Variants in BTBD10 observed in about 807,000 individuals in gnomAD.
BTBD10 encodes BTB domain containing 10.
A neutral mutation model predicts 53.2 loss-of-function variants in BTBD10; 21 were observed. The observed-to-expected ratio is 0.39, with a 90% CI of 0.28 to 0.57. The LOEUF (loss-of-function observed/expected upper bound fraction) is 0.57, where lower values mean the gene tolerates loss of function less well. Ranked by LOEUF, BTBD10 falls within the 20% of genes least tolerant of loss-of-function variation. BTBD10 has a pLI of 0.53. For missense variants in BTBD10, 360 were observed against 594.7 expected (o/e 0.61, Z 4.10); for synonymous variants, 149 against 192.7 (o/e 0.77, Z 1.88).
intron 6 of BTBD10, among the ~76,000 whole-genome samples, chr11:13,410,674 T>G (rs7924494): frequency 0.78 from 118,596 of 152,196 alleles, 47,027 homozygotes; most frequent in Middle Eastern, 0.88. Flanking sequence ...AGGCATATAT[T>G]AGGATCAACT....
intron 6 of BTBD10, among the ~76,000 whole-genome samples, chr11:13,406,628 TGTGTG>T (rs1949837691): frequency 6.6e-6 from 1 of 151,472 alleles, no homozygotes; most frequent in Non-Finnish European, 1.5e-5. Flanking sequence ...TGTGTGTGTG[TGTGTG>T]TGTGTGTTTG....
chr11:13,398,530 T>C (rs113466338), intron 8 of BTBD10, among the ~76,000 whole-genome samples: 70,105 of 151,956 alleles, frequency 0.46, 17,140 homozygotes, highest in South Asian at 0.62. Context: ...TTAGAGCATT[T>C]AGCCCATTTA....
Position 13,398,680 on chromosome 11 carries a change from C to A in BTBD10, c.1117+4488G>T, listed in dbSNP as rs556460631. Among the ~76,000 whole-genome samples the A allele has an allele frequency of 1.6e-4, 25 of 152,334 alleles. 1 individual carries two copies. In the South Asian group the frequency reaches 4.8e-3, roughly 29 times the overall value. The stretch of plus-strand genomic sequence containing the variant: ...TGGCATGTTTTTGCAGTGGCTGGTA[C>A]TGGTTGTTCCTTCCCATATTTAGTG... On this transcript the variant is annotated intron_variant, in intron 8 of 8. Coordinates refer to ENST00000278174, the MANE Select transcript of BTBD10 (RefSeq NM_032320.7).
chr11:13,394,268 C>T (rs775226836), intron 8 of BTBD10, among the ~76,000 whole-genome samples: 1 of 152,116 alleles, frequency 6.6e-6, no homozygotes, highest in Non-Finnish European at 1.5e-5. Context: ...AGGAGAGGGG[C>T]CTGGTGGGAG....
chr11:13,438,066 C>G (rs1950575512), intron 2 of BTBD10, among the ~76,000 whole-genome samples: 1 of 152,026 alleles, frequency 6.6e-6, no homozygotes, highest in Non-Finnish European at 1.5e-5. Context: ...TCCACTTTGA[C>G]AAAGAAGCTT....
At chr11:13,447,275 G>A (rs1025195004) in intron 1 of BTBD10, among the ~76,000 whole-genome samples, 2 of 151,802 alleles carry the variant, frequency 1.3e-5, no homozygotes, top group African/African-American at 4.8e-5. Context: ...CGTTTCTTTC[G>A]AGACAGGGTC....
intron 7 of BTBD10, among the ~76,000 whole-genome samples, chr11:13,403,978 C>G (rs1307698790): frequency 6.6e-6 from 1 of 152,164 alleles, no homozygotes; most frequent in African/African-American, 2.4e-5. Flanking sequence ...TCCTCGCCTT[C>G]TCTCTTTCGG....
Position 13,421,805 on chromosome 11 carries a change from G to C in BTBD10, c.135C>G (p.Asp45Glu). 6.2e-7 allele frequency: 1 copy of C among 1,613,248 alleles called. No individual in the cohort carries two copies. The highest frequency in any genetic ancestry group is 8.5e-7 in the Non-Finnish European group (1 of 1,179,572). The stretch of plus-strand genomic sequence containing the variant: ...CACCATGTAGACTCATTTTGGTGTG[G>C]TCAACTCCTCCTTTAGCAATACGCG... The part of the protein sequence containing the change: ...TSSRIAKGGV[D>E]HTKMSLHGAS... Residue 45 changes from aspartate (D) to glutamate (E), a missense_variant, in exon 3 of 9, where the codon GAC (aspartate) becomes GAG (glutamate). Transcript: ENST00000278174.
At chr11:13,391,167 T>C (rs904774121) in intron 8 of BTBD10, among the ~76,000 whole-genome samples, 1 of 152,210 alleles carries the variant, frequency 6.6e-6, no homozygotes, top group Non-Finnish European at 1.5e-5. Flanking sequence ...TACAAGGCTT[T>C]TTTTACAGCC....
At chr11:13,454,546 A>G (rs1482971770) in intron 1 of BTBD10, among the ~76,000 whole-genome samples, 1 of 152,190 alleles carries the variant, frequency 6.6e-6, no homozygotes, top group Non-Finnish European at 1.5e-5. Context: ...GTAAGTATCT[A>G]ATTTCACCAT....
chr11:13,401,540 A>G (rs1277458023), intron 8 of BTBD10, among the ~76,000 whole-genome samples: 1 of 152,216 alleles, frequency 6.6e-6, no homozygotes, highest in African/African-American at 2.4e-5. Context: ...GATTTAAAGG[A>G]TGGATAATAG....
chr11:13,439,139 A>T (rs961737252), intron 2 of BTBD10, among the ~76,000 whole-genome samples: 3 of 152,078 alleles, frequency 2.0e-5, no homozygotes, highest in Non-Finnish European at 2.9e-5. Context: ...TGTCCAAAAA[A>T]ATTAAGGATC....
chr11:13,429,235 A>G (rs2133990934), intron 2 of BTBD10, among the ~76,000 whole-genome samples: 1 of 152,312 alleles, frequency 6.6e-6, no homozygotes, highest in East Asian at 1.9e-4. Flanking sequence ...CATCTACTAG[A>G]TACAACATAA....
chr11:13,446,097 G>A (rs539616969), intron 1 of BTBD10, among the ~76,000 whole-genome samples: 2 of 152,266 alleles, frequency 1.3e-5, no homozygotes, highest in Admixed American at 1.3e-4. Flanking sequence ...TTTGGAAATA[G>A]ATGATTTGAC....
intron 5 of BTBD10, 151 bp from the exon 6 acceptor site, chr11:13,413,801 G>A (rs1040737093): frequency 2.6e-5 from 17 of 644,236 alleles, no homozygotes; most frequent in South Asian, 1.1e-4. Flanking sequence ...TGAGACCTCC[G>A]TTCACCTAAC....
At chr11:13,431,779 T>C (rs927563540) in intron 2 of BTBD10, among the ~76,000 whole-genome samples, 2 of 152,142 alleles carry the variant, frequency 1.3e-5, no homozygotes, top group African/African-American at 4.8e-5. Context: ...ACCTAATTTG[T>C]TTAAAAATTC....
chr11:13,413,172 A>C (rs925292026), intron 6 of BTBD10, among the ~76,000 whole-genome samples: 1 of 152,178 alleles, frequency 6.6e-6, no homozygotes, highest in Admixed American at 6.5e-5. Context: ...AAAAATTATA[A>C]ATTTTTGGAT....
chr11:13,413,436 T>A, intron 6 of BTBD10, 94 bp downstream of exon 6: 1 of 1,087,250 alleles, frequency 9.2e-7, no homozygotes, highest in Non-Finnish European at 1.2e-6. Flanking sequence ...TTAAATACTT[T>A]AAGTCTAACT....
chr11:13,457,420 A>G (rs896622288), intron 1 of BTBD10, among the ~76,000 whole-genome samples: 1 of 152,218 alleles, frequency 6.6e-6, no homozygotes, highest in Non-Finnish European at 1.5e-5. Flanking sequence ...ATGCATCCAC[A>G]CAATAGAATA....
Sources: gnomAD v4.1 joint callset for allele counts (sites outside exome capture counted in the v4.1 genomes callset) on GRCh38, gnomAD v4.1.1 for gene constraint, MANE v1.5 for transcripts, NCBI Gene and HGNC (gene_info 2026-07-23, HGNC 2026-07-21) for gene names.